The following KLF3 variants were observed in gnomAD, a reference collection of about 807,000 sequenced individuals.
The protein encoded by KLF3 is Krueppel-like factor 3.
KLF3 carries 6 observed loss-of-function variants against 32.7 expected under a neutral mutation model. That is an observed-to-expected ratio of 0.18 (90% CI 0.10 to 0.36). The LOEUF (loss-of-function observed/expected upper bound fraction) is 0.36, where lower values mean the gene tolerates loss of function less well. Among genes scored for constraint, KLF3 ranks in the 10% least tolerant of loss-of-function variants. The pLI, the probability that KLF3 is intolerant of heterozygous loss-of-function variation, is 1.00. For synonymous variants in KLF3, 145 were observed against 172.8 expected, an observed-to-expected ratio of 0.84 and a Z score of 1.26; for missense variants, 338 against 449.7, an observed-to-expected ratio of 0.75 and a Z score of 2.25.
intron 1 of KLF3, among the ~76,000 whole-genome samples, chr4:38,675,424 G>A (rs1049456300): frequency 2.6e-5 from 4 of 151,764 alleles, no homozygotes; most frequent in Admixed American, 6.6e-5. Flanking sequence ...TGTTATCCTG[G>A]TATTGCTTAG....
In KLF3 at chr4:38,700,410, A is replaced by C. The variant is rs1477075613; in HGVS notation, c.*3147A>C. ...GACAATCTGAAAGATCTAAGGTTTT[A>C]AAATAATTTGGTTTGAAAATATACA... On this transcript the variant is annotated 3_prime_UTR_variant, in exon 6 of 6. Coordinates refer to ENST00000261438, the MANE Select transcript of KLF3 (RefSeq NM_016531.6). The C allele has an allele frequency of 6.6e-6, 1 of 152,214 alleles. No individual in the cohort carries two copies. The highest frequency in any genetic ancestry group is 6.5e-5 in the Admixed American group (1 of 15,290). The allele number at this position is 152,214 out of a possible 1,614,324, so 9.4% of individuals were successfully genotyped here.
At chr4:38,666,919 T>C (rs763422009) in intron 1 of KLF3, among the ~76,000 whole-genome samples, 2 of 152,236 alleles carry the variant, frequency 1.3e-5, no homozygotes, top group Non-Finnish European at 2.9e-5. Flanking sequence ...ATCATTACCC[T>C]AACTCGGAAT....
chr4:38,676,748 T>C (rs1290495646), intron 1 of KLF3, among the ~76,000 whole-genome samples: 1 of 152,144 alleles, frequency 6.6e-6, no homozygotes, highest in Non-Finnish European at 1.5e-5. Flanking sequence ...TTTTTTAATG[T>C]CCAGGGATGC....
At position 38,674,803 on chromosome 4, in the gene KLF3, G is replaced by A. The variant is rs1722295200; in HGVS notation, c.-39-5784G>A. Among the ~76,000 whole-genome samples the A allele has an allele frequency of 6.6e-6, 1 of 151,986 alleles. No homozygotes were observed. The highest frequency in any genetic ancestry group is 1.5e-5 in the Non-Finnish European group (1 of 68,012). On this transcript the variant is annotated intron_variant, in intron 1 of 5. Transcript: ENST00000261438. The surrounding 1 kb of genome is among the most constrained non-coding windows in gnomAD (Gnocchi z 4.1). ...AGAAACAGGAAACTGCTCCTGATAC[G>A]TACACATTCTCTCTCCACCTTCCTC...
At chr4:38,670,065 A>T (rs1722157959) in intron 1 of KLF3, among the ~76,000 whole-genome samples, 1 of 152,166 alleles carries the variant, frequency 6.6e-6, no homozygotes, top group Non-Finnish European at 1.5e-5. Context: ...CTTTAGCAAA[A>T]CAGGCTCCTG....
rs560377255 is a variant in KLF3, at chr4:38,698,881, A to G, written c.*1618A>G. The G allele has an allele frequency of 3.9e-5, 6 of 152,338 alleles. No homozygotes were observed. The South Asian group carries it at 1.2e-3, about 32-fold the overall frequency. The allele number at this position is 152,338 out of a possible 1,614,324, so 9.4% of individuals were successfully genotyped here. Reference sequence around the variant, plus strand: ...TCAAGAATGGAGGAGAAGAGAGAAGAATGAAATCCTGAAGATTCATCCCAG... The same window carrying G: ...TCAAGAATGGAGGAGAAGAGAGAAGGATGAAATCCTGAAGATTCATCCCAG... On this transcript the variant is annotated 3_prime_UTR_variant, in exon 6 of 6. Coordinates refer to ENST00000261438, the MANE Select transcript of KLF3 (RefSeq NM_016531.6).
rs1336191542 is a variant in KLF3 at position 38,671,905 on chromosome 4, C to A, written c.-40+7444C>A. On this transcript the variant is annotated intron_variant, in intron 1 of 5. Transcript: ENST00000261438. The surrounding 1 kb of genome is among the most constrained non-coding windows in gnomAD (Gnocchi z 4.4). ...ACACACCCCTTCCCCTTGCAGTTCC[C>A]CCCCACCTGCCTCCTCTCCTCCCTT... Among the ~76,000 whole-genome samples the A allele has an allele frequency of 6.6e-6, 1 of 152,128 alleles. No homozygotes were observed. The highest frequency in any genetic ancestry group is 1.5e-5 in the Non-Finnish European group (1 of 68,016).
intron 2 of KLF3, among the ~76,000 whole-genome samples, chr4:38,683,911 A>G (rs1264240022): frequency 6.6e-6 from 1 of 152,108 alleles, no homozygotes; most frequent in Non-Finnish European, 1.5e-5. Context: ...AGCCTGGTGG[A>G]AAGAGAGCTT....
intron 1 of KLF3, among the ~76,000 whole-genome samples, chr4:38,665,354 A>G (rs1024066289): frequency 4.6e-5 from 7 of 152,160 alleles, no homozygotes; most frequent in Admixed American, 4.6e-4. Context: ...GGACCTACCT[A>G]ACATTTCCAA....
chr4:38,695,144 T>C (rs1398963079), intron 5 of KLF3, among the ~76,000 whole-genome samples: 1 of 152,232 alleles, frequency 6.6e-6, no homozygotes, highest in African/African-American at 2.4e-5. Flanking sequence ...CACTTGCAGT[T>C]CTGTGCTCTC....
intron 1 of KLF3, 49 bp from the exon 2 acceptor site, chr4:38,680,538 A>G (rs1052901025): frequency 3.2e-6 from 3 of 924,548 alleles, no homozygotes; most frequent in Non-Finnish European, 5.2e-6. Context: ...ACTAGTTTGT[A>G]TTTAAAGTAA....
Position 38,697,430 on chromosome 4 carries a change from G to A in KLF3, c.*167G>A. 1.7e-6 allele frequency: 1 copy of A among 580,882 alleles called. No individual in the cohort carries two copies. Among genetic ancestry groups the A allele is most frequent in the East Asian group, 3.0e-5 (1 of 33,490 alleles). The allele number at this position is 580,882 out of a possible 1,614,324, so 36.0% of individuals were successfully genotyped here. A position where few individuals can be genotyped will look rare whatever the true frequency, so the allele number is the denominator to read the frequency against. ...AACTTCCATATGGTCAGTAGTAGATGTTCTCTAATCCTCCCTCTCCTTACC... is the reference window on the plus strand; with the variant it reads ...AACTTCCATATGGTCAGTAGTAGATATTCTCTAATCCTCCCTCTCCTTACC... On this transcript the variant is annotated 3_prime_UTR_variant, in exon 6 of 6. Coordinates refer to ENST00000261438, the MANE Select transcript of KLF3 (RefSeq NM_016531.6).
At chr4:38,696,111 G>A (rs1447137112) in intron 5 of KLF3, among the ~76,000 whole-genome samples, 4 of 143,426 alleles carry the variant, frequency 2.8e-5, no homozygotes, top group South Asian at 2.3e-4. Context: ...TAGTGGGACC[G>A]AAGAGGTGGA....
intron 1 of KLF3, 80 bp from the exon 2 acceptor site, chr4:38,680,507 C>A: frequency 1.4e-6 from 1 of 698,130 alleles, no homozygotes; most frequent in South Asian, 1.5e-5. Flanking sequence ...AGCCACCTTG[C>A]CCAGGCTATA....
intron 1 of KLF3, among the ~76,000 whole-genome samples, chr4:38,680,302 C>T (rs1031074136): frequency 1.3e-5 from 2 of 152,056 alleles, no homozygotes; most frequent in African/African-American, 2.4e-5. Context: ...CAACCTCCGC[C>T]TCCTGGGTTC....
At chr4:38,684,676 C>T (rs1396427987) in intron 2 of KLF3, among the ~76,000 whole-genome samples, 1 of 151,854 alleles carries the variant, frequency 6.6e-6, no homozygotes, top group Non-Finnish European at 1.5e-5. Context: ...CCCTCAGCCT[C>T]CCCAGTAGCT....
In KLF3 at chr4:38,688,509, A is replaced by G. The variant is rs1722767579; in HGVS notation, c.58-76A>G. On this transcript the variant is annotated intron_variant, in intron 2 of 5. Coordinates refer to ENST00000261438, the MANE Select transcript of KLF3 (RefSeq NM_016531.6). The surrounding 1 kb of genome is among the most constrained non-coding windows in gnomAD (Gnocchi z 4.9). The stretch of plus-strand genomic sequence containing the variant: ...TGTAATTGTTAAGTGCCTTGTTAGC[A>G]TATTTTTCTTAATTCATGTTTCAAG... 1 of 1,400,142 alleles carries G rather than the reference A, an allele frequency of 7.1e-7. No individual in the cohort carries two copies. The highest frequency in any genetic ancestry group is 9.7e-7 in the Non-Finnish European group (1 of 1,031,884). 86.7% of individuals were successfully genotyped at this position (1,400,142 alleles called of 1,614,324 possible). A position where few individuals can be genotyped will look rare whatever the true frequency, so the allele number is the denominator to read the frequency against.
At chr4:38,687,450 G>A (rs1278008443) in intron 2 of KLF3, among the ~76,000 whole-genome samples, 1 of 152,220 alleles carries the variant, frequency 6.6e-6, no homozygotes, top group African/African-American at 2.4e-5. Flanking sequence ...TATGATGACT[G>A]GTTTGTATTT....
At chr4:38,687,047 G>A (rs554287043) in intron 2 of KLF3, among the ~76,000 whole-genome samples, 128 of 152,272 alleles carry the variant, frequency 8.4e-4, no homozygotes, top group African/African-American at 2.9e-3. Context: ...GCCACCAGAG[G>A]GGCCAAGGAG....
Sources: allele counts gnomAD v4.1 joint callset (sites outside exome capture counted in the v4.1 genomes callset), GRCh38; gene constraint gnomAD v4.1.1; non-coding constraint Gnocchi (gnomAD v3.1); transcripts MANE v1.5; gene names NCBI Gene and HGNC (gene_info 2026-07-23, HGNC 2026-07-21).